The following CHD7 variants were observed in gnomAD, a reference collection of about 807,000 sequenced individuals.
CHD7 encodes ATP-dependent chromatin remodeler CHD7.
A neutral mutation model predicts 307.3 loss-of-function variants in CHD7; 24 were observed. That is an observed-to-expected ratio of 0.08 (90% confidence interval 0.06 to 0.11). CHD7 has a LOEUF of 0.11. Among genes scored for constraint, CHD7 ranks in the 10% least tolerant of loss-of-function variants. The probability of loss-of-function intolerance (pLI) is 1.00; values close to 1 mark genes in which losing one functional copy is unlikely to be tolerated. For missense variants in CHD7, 3,106 were observed against 3,727.1 expected, an observed-to-expected ratio of 0.83 and a Z score of 4.34; for synonymous variants, 1,363 against 1,349.9, an observed-to-expected ratio of 1.01 and a Z score of -0.21.
chr8:60,717,595 AAGGT>A (rs1323910412), intron 1 of CHD7, among the ~76,000 whole-genome samples: 2 of 152,168 alleles, frequency 1.3e-5, no homozygotes, highest in Admixed American at 1.3e-4. Flanking sequence ...TGAAAAGTGT[AAGGT>A]AACTACCCCT....
At chr8:60,833,391 T>C (rs1804608680) in intron 15 of CHD7, among the ~76,000 whole-genome samples, 1 of 152,234 alleles carries the variant, frequency 6.6e-6, no homozygotes, top group Non-Finnish European at 1.5e-5. Context: ...TGGTTAGAGC[T>C]GACTTAAGAG....
chr8:60,861,390 G>A, intron 35 of CHD7: 1 of 369,456 alleles, frequency 2.7e-6, no homozygotes, highest in Admixed American at 4.3e-5. Flanking sequence ...TCAAACTCAT[G>A]TGACTTCTTC....
At chr8:60,805,800 T>C (rs898014302) in intron 6 of CHD7, among the ~76,000 whole-genome samples, 11 of 152,164 alleles carry the variant, frequency 7.2e-5, no homozygotes, top group African/African-American at 2.7e-4. Flanking sequence ...AAATCTTGTT[T>C]ATGATTTATA....
At chr8:60,684,701 C>T (rs751185971) in intron 1 of CHD7, among the ~76,000 whole-genome samples, 4 of 152,144 alleles carry the variant, frequency 2.6e-5, no homozygotes, top group Non-Finnish European at 4.4e-5. Flanking sequence ...CAGTATCCAA[C>T]TTGGTCAGGG....
intron 1 of CHD7, among the ~76,000 whole-genome samples, chr8:60,690,105 A>G (rs897306896): frequency 1.3e-5 from 2 of 152,198 alleles, no homozygotes; most frequent in Non-Finnish European, 2.9e-5. Context: ...TCATACACTC[A>G]GTCATATTCT....
intron 1 of CHD7, among the ~76,000 whole-genome samples, chr8:60,707,647 C>T (rs1195940029): frequency 6.6e-6 from 1 of 152,160 alleles, no homozygotes; most frequent in East Asian, 1.9e-4. Context: ...TAATTTATAG[C>T]ATCAAGTCCA....
intron 8 of CHD7, among the ~76,000 whole-genome samples, chr8:60,818,952 G>A (rs1226597114): frequency 6.6e-6 from 1 of 152,132 alleles, no homozygotes; most frequent in African/African-American, 2.4e-5. Context: ...GTATGGCTTA[G>A]TCTATAACTC....
intron 24 of CHD7, 67 bp from the exon 25 acceptor site, chr8:60,848,984 A>G: frequency 4.9e-6 from 6 of 1,214,864 alleles, no homozygotes; most frequent in South Asian, 3.6e-5. Flanking sequence ...CATGTGAGCT[A>G]TGTATCACAT....
At chr8:60,693,589 C>T (rs10957155) in intron 1 of CHD7, among the ~76,000 whole-genome samples, 124,750 of 152,162 alleles carry the variant, frequency 0.82, 51,457 homozygotes, top group East Asian at 0.94. Context: ...AGCTATCGAG[C>T]CCCTGCTCAG....
chr8:60,752,489 G>A (rs1809687516), intron 2 of CHD7, among the ~76,000 whole-genome samples: 1 of 152,220 alleles, frequency 6.6e-6, no homozygotes, highest in Non-Finnish European at 1.5e-5. Context: ...AGTTTAGGCA[G>A]TTGGGAGGTT....
intron 2 of CHD7, among the ~76,000 whole-genome samples, chr8:60,768,254 C>G (rs898036412): frequency 5.3e-5 from 8 of 152,102 alleles, no homozygotes; most frequent in Non-Finnish European, 7.4e-5. Context: ...GCAGAGACCC[C>G]CAGATGGTCT....
intron 2 of CHD7, among the ~76,000 whole-genome samples, chr8:60,775,372 G>T (rs1810904106): frequency 2.3e-5 from 1 of 43,578 alleles, no homozygotes. Flanking sequence ...ATTCCTACCA[G>T]TAACTTAAAT....
intron 23 of CHD7, among the ~76,000 whole-genome samples, chr8:60,845,656 T>G (rs1805178591): frequency 6.6e-6 from 1 of 152,212 alleles, no homozygotes; most frequent in East Asian, 1.9e-4. Flanking sequence ...CACAGCCTTA[T>G]CATTTTTCTT....
intron 1 of CHD7, among the ~76,000 whole-genome samples, chr8:60,698,584 C>G (rs1806606691): frequency 6.6e-6 from 1 of 152,160 alleles, no homozygotes; most frequent in Non-Finnish European, 1.5e-5. Context: ...TTCCTGTTTT[C>G]TTGCTTATAA....
Position 60,845,320 on chromosome 8 carries a change from G to A in CHD7, c.5121G>A (p.Val1707=). 6.2e-7 allele frequency: 1 copy of A among 1,614,008 alleles called. No individual in the cohort carries two copies. ...KVKAQSTQPV[V]QDADWLASCN... is the part of the protein sequence containing the mutation. The stretch of plus-strand genomic sequence containing the variant: ...AAGCCCAGAGCACACAGCCGGTGGT[G>A]CAGGATGCCGACTGGCTGGCCAGCT... Residue 1707 remains valine (V), a synonymous_variant, in exon 23 of 38, where the codon GTG becomes GTA. Coordinates refer to ENST00000423902, the MANE Select transcript of CHD7 (RefSeq NM_017780.4).
At chr8:60,745,477 C>G (rs1032636907) in intron 2 of CHD7, among the ~76,000 whole-genome samples, 1 of 150,824 alleles carries the variant, frequency 6.6e-6, no homozygotes, top group African/African-American at 2.4e-5. Context: ...CTGCTGTGTC[C>G]GGTGCTAGAC....
chr8:60,849,034 T>TTTAA lies in CHD7; in HGVS notation c.5301-17_5301-16insTTAA. 6.3e-7 allele frequency: 1 copy of TTTAA among 1,588,038 alleles called. No homozygotes were observed. The highest frequency in any genetic ancestry group is 1.3e-5 in the African/African-American group (1 of 74,418). On this transcript the variant is annotated splice_polypyrimidine_tract_variant and intron_variant, in intron 24 of 37. Transcript: ENST00000423902. ...TCTTTTTTAATACTAATATTTCTTA[T>TTTAA]AAATGTTGTCTTTCAGTGAAGCCGA...
At chr8:60,740,195 G>A (rs111809931) in intron 1 of CHD7, among the ~76,000 whole-genome samples, 2 of 152,332 alleles carry the variant, frequency 1.3e-5, no homozygotes, top group African/African-American at 4.8e-5. Context: ...AGCACGTAGG[G>A]TGCGAACACA....
chr8:60,860,869 G>A (rs756660803), intron 34 of CHD7, 35 bp from the exon 35 acceptor site: 21 of 1,496,314 alleles, frequency 1.4e-5, no homozygotes, highest in South Asian at 2.4e-5. Flanking sequence ...CTCTCTCTTC[G>A]TGTGAGAATT....
Sources: gnomAD v4.1 joint callset for allele counts (sites outside exome capture counted in the v4.1 genomes callset) on GRCh38, gnomAD v4.1.1 for gene constraint, MANE v1.5 for transcripts, NCBI Gene and HGNC (gene_info 2026-07-23, HGNC 2026-07-21) for gene names.